SPRY3: variants seen among roughly 807,000 people sequenced by gnomAD.
SPRY3 encodes the protein sprouty RTK signaling antagonist 3.
Under a neutral mutation model 20.2 loss-of-function variants are expected in SPRY3, and 15 were observed. The ratio of observed to expected loss-of-function variants is 0.74; its 90% CI spans 0.50 to 1.14. SPRY3 has a LOEUF of 1.14. Ranked by LOEUF, SPRY3 falls within the 50% of genes most tolerant of loss-of-function variation. The pLI is 0.00. For synonymous variants in SPRY3, 143 were observed against 136.5 expected (o/e 1.05, Z -0.33); for missense variants, 364 against 363.9 (o/e 1.00, Z 0.00).
chrX:155,683,221 G>A (rs1045908069), intron 2 of SPRY3, among the ~76,000 whole-genome samples: 6 of 112,532 alleles, frequency 5.3e-5, no homozygotes, highest in Non-Finnish European at 1.1e-4. Flanking sequence ...AATTTTGAAA[G>A]AAGTTCTGCT....
In SPRY3 at chrX:155,711,384, G is replaced by T. The variant is rs146325094; in HGVS notation, c.-282+54359G>T. Among the ~76,000 whole-genome samples the T allele has an allele frequency of 5.0e-3, 757 of 151,738 alleles. 6 individuals carry two copies. Among genetic ancestry groups the T allele is most frequent in the Non-Finnish European group, 7.8e-3 (530 of 67,736 alleles). ...ATTTCTTCATGATTCAATCTTGGTA[G>T]GTTGTATATATCTAGGAATTTATCC... is the stretch of plus-strand genomic sequence containing the variant. On this transcript the variant is annotated intron_variant, in intron 2 of 3. Transcript: ENST00000675360.
chrX:155,720,954 GA>G (rs1444075049), intron 2 of SPRY3, among the ~76,000 whole-genome samples: 1 of 152,236 alleles, frequency 6.6e-6, no homozygotes, highest in African/African-American at 2.4e-5. Context: ...AGGCACTAGG[GA>G]CCAATCCTGG....
At chrX:155,771,419 TA>T (rs1468952910) in intron 3 of SPRY3, among the ~76,000 whole-genome samples, 1 of 152,164 alleles carries the variant, frequency 6.6e-6, no homozygotes, top group Non-Finnish European at 1.5e-5. Flanking sequence ...AGACCTTGTA[TA>T]ACTTCCTTTA....
At chrX:155,765,296 C>G (rs1406872692) in intron 2 of SPRY3, among the ~76,000 whole-genome samples, 1 of 44,634 alleles carries the variant, frequency 2.2e-5, no homozygotes, top group East Asian at 2.9e-4. Flanking sequence ...AGTGAGACAG[C>G]CTGAGTCAGC....
At chrX:155,774,061 C>T (rs776734236) in exon 4 of SPRY3, 16 of 1,613,836 alleles carry the variant, frequency 9.9e-6, no homozygotes, top group South Asian at 7.7e-5. Context: ...TTCTCTCCCC[C>T]GCAGTCTCAG....
chrX:155,733,416 T>G (rs945378538), intron 2 of SPRY3, among the ~76,000 whole-genome samples: 1 of 150,512 alleles, frequency 6.6e-6, no homozygotes, highest in Non-Finnish European at 1.5e-5. Context: ...ATGCTGAAGA[T>G]ATATATATAT....
At chrX:155,632,361 A>G (rs1482069003) in intron 1 of SPRY3, among the ~76,000 whole-genome samples, 4 of 111,275 alleles carry the variant, frequency 3.6e-5, no homozygotes, top group Non-Finnish European at 7.5e-5. Context: ...TGCTACATTA[A>G]CAAACCATCC....
At chrX:155,720,738 C>T (rs2091051950) in intron 2 of SPRY3, among the ~76,000 whole-genome samples, 1 of 151,828 alleles carries the variant, frequency 6.6e-6, no homozygotes. Flanking sequence ...AGTGTTACTG[C>T]TGCCCCCTAA....
intron 1 of SPRY3, among the ~76,000 whole-genome samples, chrX:155,647,025 C>T (rs998108403): frequency 1.8e-5 from 2 of 111,721 alleles, no homozygotes; most frequent in African/African-American, 6.5e-5. Flanking sequence ...TTGTCAAGTG[C>T]TTTTTCTGCC....
intron 1 of SPRY3, among the ~76,000 whole-genome samples, chrX:155,627,822 C>G (rs959094060): frequency 6.5e-5 from 7 of 108,480 alleles, no homozygotes; most frequent in African/African-American, 2.0e-4. Context: ...CTCCCACCCC[C>G]CAACAGGCCC....
intron 2 of SPRY3, among the ~76,000 whole-genome samples, chrX:155,690,192 A>G (rs2068099201): frequency 1.1e-5 from 1 of 89,020 alleles, no homozygotes; most frequent in Non-Finnish European, 2.1e-5. Flanking sequence ...AGTGGTTGTT[A>G]TGATTTCACT....
At chrX:155,649,439 T>C (rs1215428138) in intron 1 of SPRY3, among the ~76,000 whole-genome samples, 4 of 111,422 alleles carry the variant, frequency 3.6e-5, no homozygotes, top group African/African-American at 1.3e-4. Context: ...GTAGGCTTCA[T>C]CCCTGGGATG....
chrX:155,696,012 T>G (rs2123996520), intron 2 of SPRY3, among the ~76,000 whole-genome samples: 1 of 111,026 alleles, frequency 9.0e-6, no homozygotes, highest in Non-Finnish European at 1.9e-5. Flanking sequence ...CCAGTAATTT[T>G]GGATTATACT....
chrX:155,724,144 A>G (rs752899711), intron 2 of SPRY3, among the ~76,000 whole-genome samples: 85 of 152,008 alleles, frequency 5.6e-4, no homozygotes, highest in Non-Finnish European at 9.9e-4. Flanking sequence ...ATTGGTCTAT[A>G]CCTCTGTTTT....
intron 2 of SPRY3, among the ~76,000 whole-genome samples, chrX:155,671,840 G>C (rs1385741777): frequency 1.8e-5 from 2 of 111,467 alleles, no homozygotes; most frequent in Admixed American, 9.6e-5. Context: ...ATAAGCAAGG[G>C]ATCCAGTTTC....
chrX:155,704,317 T>G (rs1305786687), intron 2 of SPRY3, among the ~76,000 whole-genome samples: 3 of 151,680 alleles, frequency 2.0e-5, no homozygotes, highest in Non-Finnish European at 4.4e-5. Flanking sequence ...ATCAAAACTA[T>G]AATAAAGAAT....
chrX:155,717,523 A>G (rs2091031172), intron 2 of SPRY3, among the ~76,000 whole-genome samples: 1 of 151,974 alleles, frequency 6.6e-6, no homozygotes, highest in African/African-American at 2.4e-5. Flanking sequence ...CCCCACATGC[A>G]TTAGGTATTT....
chrX:155,762,596 TAAA>T (rs1569397959), intron 2 of SPRY3, among the ~76,000 whole-genome samples: 2 of 152,098 alleles, frequency 1.3e-5, no homozygotes, highest in Non-Finnish European at 2.9e-5. Flanking sequence ...TCATCTCAAA[TAAA>T]AGAGAAATCA....
intron 2 of SPRY3, among the ~76,000 whole-genome samples, chrX:155,725,535 G>C (rs1181142925): frequency 2.6e-5 from 4 of 152,070 alleles, no homozygotes; most frequent in Non-Finnish European, 4.4e-5. Flanking sequence ...ACTTCTTCCT[G>C]ATTTAGTCTT....
Sources: allele counts gnomAD v4.1 joint callset (sites outside exome capture counted in the v4.1 genomes callset), GRCh38; gene constraint gnomAD v4.1.1; transcripts MANE v1.5; gene names NCBI Gene and HGNC (gene_info 2026-07-23, HGNC 2026-07-21).